CLCN3: variants seen among roughly 807,000 people sequenced by gnomAD.
The protein encoded by CLCN3 is Cl-/H+ antiporter 3.
CLCN3 carries 16 observed loss-of-function variants against 83.4 expected under a neutral mutation model. That is an observed-to-expected ratio of 0.19 (90% CI 0.13 to 0.29). The LOEUF (loss-of-function observed/expected upper bound fraction) is 0.29, where lower values mean the gene tolerates loss of function less well. CLCN3 is among the 10% of genes least tolerant of loss of function. The pLI, the probability that CLCN3 is intolerant of heterozygous loss-of-function variation, is 1.00. For synonymous variants in CLCN3, 322 were observed against 346.2 expected (o/e 0.93, Z 0.78); for missense variants, 544 against 1,006.0 (o/e 0.54, Z 6.21).
chr4:169,707,896 A>C (rs1204021210), intron 11 of CLCN3, among the ~76,000 whole-genome samples: 1 of 152,158 alleles, frequency 6.6e-6, no homozygotes, highest in African/African-American at 2.4e-5. Context: ...TCTTGGAGAT[A>C]AATTAAACTT....
chr4:169,692,084 C>G (rs753431585), intron 6 of CLCN3, 30 bp from the exon 7 acceptor site: 1 of 1,304,080 alleles, frequency 7.7e-7, no homozygotes, highest in South Asian at 1.2e-5. Flanking sequence ...TCTTAAAGGA[C>G]ATTAAGCTGC....
At chr4:169,660,408 GGGA>G in intron 2 of CLCN3, 1 of 1,407,460 alleles carries the variant, frequency 7.1e-7, no homozygotes, top group South Asian at 1.6e-5. Flanking sequence ...CTTATGACGG[GGGA>G]GGAGACAGTA....
intron 10 of CLCN3, 116 bp downstream of exon 10, chr4:169,704,300 CAGG>C: frequency 1.2e-6 from 1 of 846,664 alleles, no homozygotes; most frequent in African/African-American, 1.7e-5. Flanking sequence ...AGGAGGGTGC[CAGG>C]AGGAGATGTT....
chr4:169,638,499 A>G (rs968109406), intron 2 of CLCN3, among the ~76,000 whole-genome samples: 5 of 149,422 alleles, frequency 3.3e-5, no homozygotes, highest in Non-Finnish European at 7.4e-5. Context: ...TTTTTTTTCT[A>G]ATTTTAATGA....
intron 2 of CLCN3, among the ~76,000 whole-genome samples, chr4:169,665,614 AC>A (rs1731215923): frequency 6.7e-6 from 1 of 149,000 alleles, no homozygotes; most frequent in Admixed American, 6.7e-5. Context: ...AAAAAAAAAA[AC>A]CATCTGGGGC....
At chr4:169,636,124 T>G (rs756132138) in intron 2 of CLCN3, 36 bp downstream of exon 2, 1 of 1,560,348 alleles carries the variant, frequency 6.4e-7, no homozygotes, top group East Asian at 2.3e-5. Context: ...TTTGTATTCA[T>G]GAATATCCAC....
chr4:169,704,225 T>C, intron 10 of CLCN3, 41 bp downstream of exon 10: 1 of 1,569,752 alleles, frequency 6.4e-7, no homozygotes, highest in African/African-American at 1.3e-5. Flanking sequence ...TGTTTGCAAG[T>C]CTGAGAGAGC....
At chr4:169,672,714 A>G (rs981505424) in intron 2 of CLCN3, among the ~76,000 whole-genome samples, 5 of 152,086 alleles carry the variant, frequency 3.3e-5, no homozygotes, top group African/African-American at 1.2e-4. Flanking sequence ...CCCAGGCTAG[A>G]GTGCAGTGGT....
chr4:169,635,957 G>T lies in CLCN3; in HGVS notation c.29G>T (p.Gly10Val). 6.2e-7 allele frequency: 1 copy of T among 1,609,576 alleles called. No individual in the cohort carries two copies. Among genetic ancestry groups the T allele is most frequent in the Non-Finnish European group, 8.5e-7 (1 of 1,177,632 alleles). The change falls in exon 2 of 13, where the codon GGC becomes GTC. Residue 10 changes from glycine (G) to valine (V), a missense_variant. Physicochemically the swap from Gly to Val is moderately radical, Grantham distance 109 (BLOSUM62 -3). Transcript: ENST00000513761. MESEQLFHR[G>V]YYRNSYNSIT... ...GAGTCTGAGCAGCTGTTCCATAGAG[G>T]CTACTATAGAAACAGCTACAACAGT...
rs764670887 is a variant in CLCN3 at position 169,697,172 on chromosome 4, CCTTTT to C, written c.1018-11_1018-7del. On this transcript the variant is annotated splice_polypyrimidine_tract_variant and intron_variant, in intron 8 of 12. Transcript: ENST00000513761. ...AAATTATAGCATTAATTTTTCTTTT[CCTTTT>C]CTTTTTTTTAGGTTAGCTATTATTT... The C allele has an allele frequency of 7.9e-6, 12 of 1,514,070 alleles. No individual in the cohort carries two copies. Among genetic ancestry groups the C allele is most frequent in the South Asian group, 2.6e-5 (2 of 76,744 alleles). 93.8% of individuals were successfully genotyped at this position (1,514,070 alleles called of 1,614,324 possible).
intron 5 of CLCN3, among the ~76,000 whole-genome samples, chr4:169,689,712 G>C (rs1732292397): frequency 6.6e-6 from 1 of 152,122 alleles, no homozygotes; most frequent in Non-Finnish European, 1.5e-5. Context: ...TAGAACTTAG[G>C]ATGTTACATG....
intron 2 of CLCN3, among the ~76,000 whole-genome samples, chr4:169,668,178 TTTG>T (rs984099134): frequency 3.3e-5 from 5 of 151,366 alleles, no homozygotes; most frequent in African/African-American, 9.7e-5. Context: ...TTGTTTTTTG[TTTG>T]TTATTTGTTT....
At chr4:169,660,021 C>A in intron 2 of CLCN3, 1 of 990,924 alleles carries the variant, frequency 1.0e-6, no homozygotes, top group Non-Finnish European at 1.2e-6. Flanking sequence ...ACCACTGATG[C>A]TACCGAAGCT....
chr4:169,634,773 T>C (rs17055054), intron 1 of CLCN3, among the ~76,000 whole-genome samples: 1,724 of 152,298 alleles, frequency 0.011, 33 homozygotes, highest in African/African-American at 0.04. Context: ...TGACATTTGT[T>C]GTTCTTACAC....
In CLCN3 at chr4:169,722,550, C is replaced by T. The variant is rs1218254724; in HGVS notation, c.*2553C>T. The T allele has an allele frequency of 6.6e-6, 1 of 152,226 alleles. No individual in the cohort carries two copies. The highest frequency in any genetic ancestry group is 1.5e-5 in the Non-Finnish European group (1 of 68,044). The allele number at this position is 152,226 out of a possible 1,614,324, so 9.4% of individuals were successfully genotyped here. A position where few individuals can be genotyped will look rare whatever the true frequency, so the allele number is the denominator to read the frequency against. Reference sequence around the variant, plus strand: ...TTAATTGTCCTGAGTTAATAGCCTTCAAAGGACAAATCGGTTTCTTTGCAG... The same window carrying T: ...TTAATTGTCCTGAGTTAATAGCCTTTAAAGGACAAATCGGTTTCTTTGCAG... On this transcript the variant is annotated 3_prime_UTR_variant, in exon 13 of 13. Transcript: ENST00000513761.
rs558514457 is a variant in CLCN3 at position 169,624,207 on chromosome 4, C to T, written c.-17+3144C>T. Among the ~76,000 whole-genome samples the T allele has an allele frequency of 2.1e-4, 32 of 152,260 alleles. No individual in the cohort carries two copies. In the South Asian group the frequency reaches 3.3e-3, roughly 16 times the overall value. On this transcript the variant is annotated intron_variant, in intron 1 of 12. Transcript: ENST00000513761. ...GGAGTGTAGTGGTGCAATCTCTGCT[C>T]ACTGCAACCTCTGCCTCCTGGGTTC...
chr4:169,679,006 C>A (rs1459851048), intron 2 of CLCN3, among the ~76,000 whole-genome samples: 4 of 151,904 alleles, frequency 2.6e-5, no homozygotes, highest in Admixed American at 6.5e-5. Flanking sequence ...AGGCGCCCCC[C>A]ACCTCCCAGA....
chr4:169,695,451 TTA>T (rs1163294696), intron 7 of CLCN3, among the ~76,000 whole-genome samples, 159 bp from the exon 8 acceptor site: 1 of 152,148 alleles, frequency 6.6e-6, no homozygotes, highest in Non-Finnish European at 1.5e-5. Flanking sequence ...GAAACAAATC[TTA>T]ATAGAAGAAA....
chr4:169,673,267 T>C (rs552425814), intron 2 of CLCN3, among the ~76,000 whole-genome samples: 16 of 152,240 alleles, frequency 1.1e-4, no homozygotes, highest in Non-Finnish European at 2.4e-4. Context: ...TCAGAGATTT[T>C]GAATTGCTGA....
Sources: allele counts gnomAD v4.1 joint callset (sites outside exome capture counted in the v4.1 genomes callset), GRCh38; gene constraint gnomAD v4.1.1; transcripts MANE v1.5; gene names NCBI Gene and HGNC (gene_info 2026-07-23, HGNC 2026-07-21).